The following ASH1L variants were observed in gnomAD, a reference collection of about 807,000 sequenced individuals.
The protein encoded by ASH1L is ASH1 like histone lysine methyltransferase.
A neutral mutation model predicts 269.0 loss-of-function variants in ASH1L; 23 were observed. The observed-to-expected ratio is 0.09, with a 90% confidence interval of 0.06 to 0.12. The LOEUF is 0.12. Among genes scored for constraint, ASH1L ranks in the 10% least tolerant of loss-of-function variants. The probability of loss-of-function intolerance (pLI) is 1.00; values close to 1 mark genes in which losing one functional copy is unlikely to be tolerated. For synonymous variants in ASH1L, 1,187 were observed against 1,253.5 expected, an observed-to-expected ratio of 0.95 and a Z score of 1.12; for missense variants, 2,912 against 3,567.8, an observed-to-expected ratio of 0.82 and a Z score of 4.68.
chr1:155,560,227 G>A (rs1052697784), intron 1 of ASH1L, among the ~76,000 whole-genome samples: 2 of 152,150 alleles, frequency 1.3e-5, no homozygotes, highest in African/African-American at 2.4e-5. Context: ...TATAAATCAT[G>A]TGATTGTGCT....
intron 26 of ASH1L, 82 bp from the exon 27 acceptor site, chr1:155,338,472 G>C (rs1286793682): frequency 7.8e-6 from 10 of 1,282,568 alleles, no homozygotes; most frequent in Admixed American, 2.3e-5. Context: ...AAGATGGCTT[G>C]AGATCCTGGA....
chr1:155,382,730 C>CTT (rs1244087562), intron 7 of ASH1L, among the ~76,000 whole-genome samples: 1 of 145,314 alleles, frequency 6.9e-6, no homozygotes. Flanking sequence ...TGTCTTAGCT[C>CTT]TTTTTTTTTT....
intron 6 of ASH1L, chr1:155,396,406 C>A (rs1484512800): frequency 6.6e-6 from 1 of 151,974 alleles, no homozygotes; most frequent in Non-Finnish European, 1.5e-5. Flanking sequence ...CCTCCACCTC[C>A]CAGGTTTAAG....
At chr1:155,469,456 T>C (rs1189878173) in intron 3 of ASH1L, among the ~76,000 whole-genome samples, 4 of 152,340 alleles carry the variant, frequency 2.6e-5, no homozygotes, top group African/African-American at 9.6e-5. Context: ...GTTCTGGGAT[T>C]ACAGGCGTGA....
chr1:155,461,679 A>G (rs1484226321), intron 3 of ASH1L, among the ~76,000 whole-genome samples: 2 of 152,154 alleles, frequency 1.3e-5, no homozygotes, highest in Non-Finnish European at 2.9e-5. Flanking sequence ...AGACAGATAC[A>G]TATTTCCTAC....
In ASH1L at chr1:155,438,517, C is replaced by T; in HGVS notation, c.5638G>A (p.Asp1880Asn). 6.2e-7 allele frequency: 1 copy of T among 1,613,154 alleles called. No homozygotes were observed. Among genetic ancestry groups the T allele is most frequent in the Non-Finnish European group, 8.5e-7 (1 of 1,179,670 alleles). The change falls in exon 5 of 28, where the codon GAC (aspartate) becomes AAC (asparagine). Residue 1880 changes from aspartate (D) to asparagine (N), a missense_variant. Around this residue, in one of 13 missense-constraint regions of ASH1L, gnomAD observed 789 missense variants for 897.6 expected, o/e 0.88. Coordinates refer to ENST00000392403, the MANE Select transcript of ASH1L (RefSeq NM_018489.3). ...AGGTGCAGTGCTGCTCCTTCCTCGT[C>T]TCTGTTCAATTCTGGGTTGACAAAC... The part of the protein sequence containing the change: ...AQFVNPELNR[D>N]EEGAALHLSP...
intron 2 of ASH1L, among the ~76,000 whole-genome samples, chr1:155,507,506 T>TA (rs1468010702): frequency 6.6e-6 from 1 of 152,202 alleles, no homozygotes; most frequent in Non-Finnish European, 1.5e-5. Context: ...ACAAAAATGT[T>TA]AGTCAACAAA....
At chr1:155,384,631 G>C (rs1657265756) in intron 7 of ASH1L, among the ~76,000 whole-genome samples, 1 of 152,008 alleles carries the variant, frequency 6.6e-6, no homozygotes, top group African/African-American at 2.4e-5. Context: ...TCAAACTTCT[G>C]AGCTCAAGCA....
In ASH1L at chr1:155,448,343, G is replaced by A. The variant is rs562761874; in HGVS notation, c.5087-9275C>T. On this transcript the variant is annotated intron_variant, in intron 4 of 27. Transcript: ENST00000392403. Reference sequence around the variant, plus strand: ...TGGGTTAATTTTTATTTTTCTTTTCGTTTTGTTGTTGTTGTTGTTGTTGTT... The same window carrying A: ...TGGGTTAATTTTTATTTTTCTTTTCATTTTGTTGTTGTTGTTGTTGTTGTT... Among the ~76,000 whole-genome samples the A allele has an allele frequency of 5.3e-5, 8 of 149,986 alleles. No homozygotes were observed. In the East Asian group the frequency reaches 1.4e-3, roughly 25 times the overall value.
intron 4 of ASH1L, among the ~76,000 whole-genome samples, chr1:155,458,063 G>T (rs1274756173): frequency 1.3e-5 from 2 of 152,082 alleles, no homozygotes; most frequent in African/African-American, 4.8e-5. Context: ...ACTGCATTTG[G>T]CCCATAGGCT....
chr1:155,393,875 G>A (rs1186807845), intron 7 of ASH1L, among the ~76,000 whole-genome samples: 2 of 151,838 alleles, frequency 1.3e-5, no homozygotes, highest in African/African-American at 2.4e-5. Flanking sequence ...TCATTTGTAC[G>A]GCAAATATTT....
chr1:155,398,653 AC>A (rs1658564103), intron 6 of ASH1L, among the ~76,000 whole-genome samples: 1 of 152,176 alleles, frequency 6.6e-6, no homozygotes, highest in Non-Finnish European at 1.5e-5. Context: ...AAAAAAATGT[AC>A]AAAAAAGCCA....
At chr1:155,521,996 T>C (rs1356431160) in intron 1 of ASH1L, among the ~76,000 whole-genome samples, 2 of 152,322 alleles carry the variant, frequency 1.3e-5, no homozygotes, top group South Asian at 4.1e-4. Context: ...AGTACACTTT[T>C]ATTTCCTACA....
At chr1:155,499,533 A>T (rs1372490414) in intron 2 of ASH1L, among the ~76,000 whole-genome samples, 1 of 152,202 alleles carries the variant, frequency 6.6e-6, no homozygotes, top group Non-Finnish European at 1.5e-5. Flanking sequence ...TTGTCTTCCT[A>T]TTAATGAATT....
At chr1:155,355,438 A>T (rs1570979331) in intron 15 of ASH1L, among the ~76,000 whole-genome samples, 2 of 152,350 alleles carry the variant, frequency 1.3e-5, no homozygotes. Flanking sequence ...AATTTCCACA[A>T]CAGGACATAT....
intron 6 of ASH1L, among the ~76,000 whole-genome samples, chr1:155,409,496 T>C (rs898055810): frequency 1.3e-5 from 2 of 152,216 alleles, no homozygotes; most frequent in African/African-American, 4.8e-5. Flanking sequence ...ATGAAAAGAC[T>C]TGGTGGATAC....
At chr1:155,474,337 T>TG (rs1665362336) in intron 3 of ASH1L, among the ~76,000 whole-genome samples, 1 of 152,082 alleles carries the variant, frequency 6.6e-6, no homozygotes. Flanking sequence ...CTACTAAGCC[T>TG]GAGAACTAGA....
intron 7 of ASH1L, among the ~76,000 whole-genome samples, chr1:155,392,601 G>A (rs1658021917): frequency 6.6e-6 from 1 of 152,046 alleles, no homozygotes; most frequent in East Asian, 1.9e-4. Flanking sequence ...TGATTCTCGT[G>A]CCTCAGCCTC....
At position 155,434,302 on chromosome 1, in the gene ASH1L, A is replaced by T. The variant is rs914066990; in HGVS notation, c.5828+4025T>A. The T allele has an allele frequency of 5.3e-5, 84 of 1,570,388 alleles. No homozygotes were observed. The Admixed American group carries it at 1.4e-3, about 27-fold the overall frequency. ...TAGGAATGGGGGACAGGGGGAGGGG[A>T]GGAGCTAGGGAAAGAGAACCTGGAG... On this transcript the variant is annotated intron_variant, in intron 5 of 27. Transcript: ENST00000392403.
Sources: gnomAD v4.1 joint callset for allele counts (sites outside exome capture counted in the v4.1 genomes callset) on GRCh38, gnomAD v4.1.1 for gene constraint, gnomAD v4.1.1 regional missense constraint, MANE v1.5 for transcripts, NCBI Gene and HGNC (gene_info 2026-07-23, HGNC 2026-07-21) for gene names.